Variants in KIAA1328 observed in about 807,000 individuals in gnomAD.
KIAA1328 encodes the protein KIAA1328.
KIAA1328 carries 52 observed loss-of-function variants against 68.1 expected under a neutral mutation model. The ratio of observed to expected loss-of-function variants is 0.76; its 90% CI spans 0.61 to 0.96. The LOEUF is 0.96. Ranked by LOEUF, KIAA1328 falls within the 40% of genes least tolerant of loss-of-function variation. The probability of loss-of-function intolerance (pLI) is 0.00; values close to 1 mark genes in which losing one functional copy is unlikely to be tolerated. For synonymous variants in KIAA1328, 232 were observed against 239.4 expected (o/e 0.97, Z 0.28); for missense variants, 641 against 677.6 (o/e 0.95, Z 0.60).
intron 6 of KIAA1328, among the ~76,000 whole-genome samples, chr18:36,974,976 C>G (rs530623329): frequency 1.6e-3 from 236 of 152,140 alleles, no homozygotes; most frequent in Non-Finnish European, 1.9e-3. Context: ...CCAGTTCTAT[C>G]GGTCATGGTA....
intron 5 of KIAA1328, among the ~76,000 whole-genome samples, chr18:36,942,427 T>C (rs893786035): frequency 5.4e-4 from 83 of 152,314 alleles, no homozygotes; most frequent in African/African-American, 2.0e-3. Context: ...AAACCTTTAA[T>C]TTTACTGCAA....
At chr18:37,026,976 A>G (rs1219988411) in intron 6 of KIAA1328, among the ~76,000 whole-genome samples, 2 of 152,212 alleles carry the variant, frequency 1.3e-5, no homozygotes, top group Non-Finnish European at 2.9e-5. Flanking sequence ...AGAAAACCCC[A>G]TCTTCTCAGC....
intron 4 of KIAA1328, among the ~76,000 whole-genome samples, chr18:36,884,755 A>T (rs993562510): frequency 5.3e-5 from 8 of 152,224 alleles, no homozygotes; most frequent in Non-Finnish European, 1.2e-4. Context: ...TTTGGGGTTA[A>T]TGTCTCTGCA....
At chr18:37,152,270 A>T (rs894746547) in intron 7 of KIAA1328, among the ~76,000 whole-genome samples, 1 of 152,158 alleles carries the variant, frequency 6.6e-6, no homozygotes, top group African/African-American at 2.4e-5. Context: ...TAGAAAAGTA[A>T]CGAGACAAAG....
At chr18:36,855,921 C>T (rs180775773) in intron 4 of KIAA1328, among the ~76,000 whole-genome samples, 12 of 151,836 alleles carry the variant, frequency 7.9e-5, no homozygotes, top group African/African-American at 2.2e-4. Flanking sequence ...TCCCAGCTCT[C>T]CTTTCATTTT....
At chr18:37,200,933 A>G (rs1044800705) in intron 9 of KIAA1328, among the ~76,000 whole-genome samples, 1 of 151,876 alleles carries the variant, frequency 6.6e-6, no homozygotes, top group Non-Finnish European at 1.5e-5. Context: ...TTTCTTCTTG[A>G]AAGCATTGAT....
intron 6 of KIAA1328, among the ~76,000 whole-genome samples, chr18:37,020,008 T>C (rs912484489): frequency 2.6e-5 from 4 of 152,152 alleles, no homozygotes; most frequent in African/African-American, 9.7e-5. Flanking sequence ...TCCAAATGCG[T>C]GGAGATCTGC....
intron 7 of KIAA1328, among the ~76,000 whole-genome samples, chr18:37,131,431 G>A (rs762195044): frequency 2.0e-5 from 3 of 152,150 alleles, no homozygotes; most frequent in Non-Finnish European, 2.9e-5. Context: ...CACTGTAAGA[G>A]AGGTTTGCAT....
intron 7 of KIAA1328, among the ~76,000 whole-genome samples, chr18:37,143,521 C>CTTTTTTTTTTTT (rs57046567): frequency 0.029 from 2,572 of 89,926 alleles, 6 homozygotes; most frequent in Middle Eastern, 0.038. Flanking sequence ...TTTTTTCTTT[C>CTTTTTTTTTTTT]TTTTTTTTTT....
chr18:37,122,992 A>G (rs2058309220), intron 7 of KIAA1328, among the ~76,000 whole-genome samples: 1 of 152,198 alleles, frequency 6.6e-6, no homozygotes, highest in South Asian at 2.1e-4. Flanking sequence ...CAGTGCAATG[A>G]TTTAATAGCT....
chr18:37,226,735 T>G (rs1346658356), downstream of KIAA1328, among the ~76,000 whole-genome samples: 1 of 129,280 alleles, frequency 7.7e-6, no homozygotes, highest in African/African-American at 3.4e-5. Context: ...TTTTTTTTTG[T>G]TATTATGAAG....
At chr18:36,882,863 G>A (rs2048368598) in intron 4 of KIAA1328, among the ~76,000 whole-genome samples, 1 of 152,060 alleles carries the variant, frequency 6.6e-6, no homozygotes, top group South Asian at 2.1e-4. Flanking sequence ...TTCTGTTACT[G>A]TTTTCTATGA....
chr18:37,006,040 G>A (rs1284667309), intron 6 of KIAA1328, among the ~76,000 whole-genome samples: 1 of 151,978 alleles, frequency 6.6e-6, no homozygotes. Context: ...TGAGAGCAGA[G>A]TAAGGTGACT....
intron 1 of KIAA1328, among the ~76,000 whole-genome samples, chr18:36,830,660 C>T (rs1304497011): frequency 2.6e-5 from 4 of 152,132 alleles, no homozygotes; most frequent in Admixed American, 6.5e-5. Context: ...TCTTGGTCTT[C>T]GCACCCAGTA....
intron 7 of KIAA1328, among the ~76,000 whole-genome samples, chr18:37,105,956 A>G (rs539910032): frequency 1.4e-5 from 2 of 143,538 alleles, no homozygotes; most frequent in South Asian, 2.2e-4. Context: ...GAATTATAGT[A>G]TAAAAGGTAT....
intron 8 of KIAA1328, among the ~76,000 whole-genome samples, chr18:37,161,752 G>A (rs887969786): frequency 2.0e-5 from 3 of 152,208 alleles, no homozygotes; most frequent in Non-Finnish European, 4.4e-5. Flanking sequence ...CAGTTAACTT[G>A]TTTTCAAATT....
intron 6 of KIAA1328, among the ~76,000 whole-genome samples, chr18:37,033,528 T>C (rs911273117): frequency 6.6e-6 from 1 of 152,196 alleles, no homozygotes; most frequent in Admixed American, 6.5e-5. Context: ...TGTCCTGGGA[T>C]CAACCATTCT....
At chr18:36,902,651 T>TATCC (rs2049081240) in intron 5 of KIAA1328, among the ~76,000 whole-genome samples, 1 of 152,088 alleles carries the variant, frequency 6.6e-6, no homozygotes, top group Admixed American at 6.6e-5. Context: ...CCATAAGATA[T>TATCC]CAAACAATTG....
At chr18:37,084,473 TTTG>T in intron 7 of KIAA1328, 2 of 262,776 alleles carry the variant, frequency 7.6e-6, no homozygotes, top group East Asian at 1.3e-4. Context: ...TTTTTTGTTT[TTTG>T]TTTTTTTTTT....
Sources: gnomAD v4.1 joint callset for allele counts (sites outside exome capture counted in the v4.1 genomes callset) on GRCh38, gnomAD v4.1.1 for gene constraint, MANE v1.5 for transcripts, NCBI Gene and HGNC (gene_info 2026-07-23, HGNC 2026-07-21) for gene names.